Variants in THAP6 observed in about 807,000 individuals in gnomAD.
The protein encoded by THAP6 is THAP domain containing 6, also known as THAP domain-containing protein 6.
Under a neutral mutation model 20.0 loss-of-function variants are expected in THAP6, and 13 were observed. The observed-to-expected ratio is 0.65, with a 90% CI of 0.42 to 1.03. THAP6 has a LOEUF of 1.03. THAP6 is among the 50% of genes least tolerant of loss of function. THAP6 has a pLI of 0.00. For synonymous variants in THAP6, 93 were observed against 92.2 expected (o/e 1.01, Z -0.05); for missense variants, 262 against 261.6 (o/e 1.00, Z -0.01).
chr4:75,515,293 G>A (rs1725486295), intron 1 of THAP6, 140 bp from the exon 2 acceptor site: 3 of 688,140 alleles, frequency 4.4e-6, no homozygotes, highest in Non-Finnish European at 2.5e-6. Flanking sequence ...AATGATGTAA[G>A]CAAAGCTGCA....
At chr4:75,532,100 T>C (rs767423434), downstream of THAP6, among the ~76,000 whole-genome samples, 11 of 152,110 alleles carry the variant, frequency 7.2e-5, no homozygotes, top group Non-Finnish European at 1.5e-4. Flanking sequence ...GCCCAAAGTC[T>C]CATCTGAGAC....
chr4:75,527,562 G>T lies in THAP6; in HGVS notation c.*348G>T. The T allele has an allele frequency of 1.9e-6, 2 of 1,053,570 alleles. No individual in the cohort carries two copies. Among genetic ancestry groups the T allele is most frequent in the Non-Finnish European group, 2.3e-6 (2 of 871,804 alleles). 65.3% of individuals were successfully genotyped at this position (1,053,570 alleles called of 1,614,324 possible). ...AATTGGACACTTCTCCAGATATTTG[G>T]CTTCAAAGGAGTACCTTTACTTACA... On this transcript the variant is annotated 3_prime_UTR_variant, in exon 5 of 5. Transcript: ENST00000311638.
intron 2 of THAP6, among the ~76,000 whole-genome samples, chr4:75,535,159 A>G (rs951964449): frequency 6.6e-6 from 1 of 152,252 alleles, no homozygotes; most frequent in African/African-American, 2.4e-5. Flanking sequence ...CCCATTCACT[A>G]TCATGAGAAC....
chr4:75,531,598 G>A (rs530254504), downstream of THAP6, among the ~76,000 whole-genome samples: 4 of 152,194 alleles, frequency 2.6e-5, no homozygotes, highest in Non-Finnish European at 5.9e-5. Context: ...ATATTAATCC[G>A]TTTTCACACT....
chr4:75,539,882 A>G lies in THAP6; in HGVS notation c.166-2527A>G, dbSNP rs1726958937. 2.0e-6 allele frequency: 3 copies of G among 1,536,132 alleles called. No homozygotes were observed. The African/African-American group carries it at 4.1e-5, about 21-fold the overall frequency. On this transcript the variant is annotated intron_variant, in intron 2 of 4. Transcript: ENST00000502620. ...AGAAACACAGGAAAAGGAAACAAGAACAGGAAGAAGAACAAAAACCAAGAA... is the reference window on the plus strand; with the variant it reads ...AGAAACACAGGAAAAGGAAACAAGAGCAGGAAGAAGAACAAAAACCAAGAA...
intron 3 of THAP6, chr4:75,517,592 C>G (rs1725743597): frequency 6.6e-6 from 1 of 152,260 alleles, no homozygotes; most frequent in Non-Finnish European, 1.5e-5. Context: ...AACTGATGTT[C>G]CAAGTTGGCA....
chr4:75,521,607 AC>A, intron 3 of THAP6, 128 bp from the exon 4 acceptor site: 1 of 1,013,464 alleles, frequency 9.9e-7, no homozygotes, highest in Non-Finnish European at 1.4e-6. Flanking sequence ...GAATTTGCTG[AC>A]TTTTAAAAGC....
At chr4:75,532,688 C>T (rs1273752113), downstream of THAP6, among the ~76,000 whole-genome samples, 2 of 152,224 alleles carry the variant, frequency 1.3e-5, no homozygotes, top group Non-Finnish European at 2.9e-5. Context: ...GGCGGAGATG[C>T]CCAAACCTCA....
At chr4:75,547,292 A>G (rs1400183209) in intron 3 of THAP6, among the ~76,000 whole-genome samples, 1 of 152,186 alleles carries the variant, frequency 6.6e-6, no homozygotes, top group African/African-American at 2.4e-5. Context: ...TATGTTACGT[A>G]TATTTTACCA....
At chr4:75,532,026 A>G (rs1726696403), downstream of THAP6, among the ~76,000 whole-genome samples, 1 of 152,090 alleles carries the variant, frequency 6.6e-6, no homozygotes, top group South Asian at 2.1e-4. Context: ...TTCAAAACCA[A>G]TCATGCCTTT....
rs1726496219 is a variant in THAP6, at chr4:75,528,136, A to G, written c.*922A>G. The G allele has an allele frequency of 1.0e-6, 1 of 985,158 alleles. No individual in the cohort carries two copies. The highest frequency in any genetic ancestry group is 1.2e-6 in the Non-Finnish European group (1 of 829,654). The allele number at this position is 985,158 out of a possible 1,614,324, so 61.0% of individuals were successfully genotyped here. A position where few individuals can be genotyped will look rare whatever the true frequency, so the allele number is the denominator to read the frequency against. ...AATAACTGTGGCTCTTCCAGTTGAA[A>G]TAGGAATTGGAGAGAAAGGATTAGA... On this transcript the variant is annotated 3_prime_UTR_variant, in exon 5 of 5. Coordinates refer to ENST00000311638, the MANE Select transcript of THAP6 (RefSeq NM_144721.6).
chr4:75,547,236 G>C (rs1206451318), intron 3 of THAP6, among the ~76,000 whole-genome samples: 1 of 152,086 alleles, frequency 6.6e-6, no homozygotes, highest in East Asian at 1.9e-4. Context: ...AACTAATCAA[G>C]ATTTGGTTCT....
intron 3 of THAP6, among the ~76,000 whole-genome samples, chr4:75,518,478 A>C (rs1477563121): frequency 6.6e-6 from 1 of 152,220 alleles, no homozygotes; most frequent in Non-Finnish European, 1.5e-5. Flanking sequence ...ACTATGTGCC[A>C]GGCACTATTC....
At chr4:75,514,369 C>T, upstream of THAP6, 1 of 1,426,982 alleles carries the variant, frequency 7.0e-7, no homozygotes, top group Non-Finnish European at 9.5e-7. Flanking sequence ...CTCTAGCACA[C>T]CCCTCCCAGC....
intron 1 of THAP6, 119 bp downstream of exon 1, chr4:75,514,639 G>A (rs1004481967): frequency 4.8e-6 from 1 of 207,832 alleles, no homozygotes; most frequent in Non-Finnish European, 9.8e-6. Flanking sequence ...CAGAGGAAAG[G>A]ACGCTCACTG....
rs1309766787 is a variant in THAP6 at position 75,527,507 on chromosome 4, A to G, written c.*293A>G. 7.6e-6 allele frequency: 9 copies of G among 1,182,072 alleles called. No homozygotes were observed. The Admixed American group carries it at 3.3e-4, about 44-fold the overall frequency. The allele number at this position is 1,182,072 out of a possible 1,614,324, so 73.2% of individuals were successfully genotyped here. A position where few individuals can be genotyped will look rare whatever the true frequency, so the allele number is the denominator to read the frequency against. ...TTCACAGAGCTAAAGAAATGATGTC[A>G]AATTAGTCACATTAAGCTATAGTAG... is the stretch of plus-strand genomic sequence containing the variant. On this transcript the variant is annotated 3_prime_UTR_variant, in exon 5 of 5. Coordinates refer to ENST00000311638, the MANE Select transcript of THAP6 (RefSeq NM_144721.6).
Position 75,526,288 on chromosome 4 carries a change from G to C in THAP6, c.415-672G>C, listed in dbSNP as rs1448123837. On this transcript the variant is annotated intron_variant, in intron 4 of 4. Coordinates refer to ENST00000311638, the MANE Select transcript of THAP6 (RefSeq NM_144721.6). ...GGAGGTAGGGGTCAATCCAGTCTCTGTTACTTCATCTTGGCTGGAAATAAA... is the reference window on the plus strand; with the variant it reads ...GGAGGTAGGGGTCAATCCAGTCTCTCTTACTTCATCTTGGCTGGAAATAAA... Among the ~76,000 whole-genome samples, 4 of 151,928 alleles carry C rather than the reference G, an allele frequency of 2.6e-5. No homozygotes were observed. In the East Asian group the frequency reaches 5.8e-4, roughly 22 times the overall value.
chr4:75,544,178 A>G (rs1387022130), intron 3 of THAP6: 1 of 152,234 alleles, frequency 6.6e-6, no homozygotes, highest in Admixed American at 6.5e-5. Context: ...GTTATAAAAC[A>G]TGGACAGTCT....
intron 4 of THAP6, among the ~76,000 whole-genome samples, chr4:75,526,702 A>G (rs954610014): frequency 2.0e-5 from 3 of 152,222 alleles, no homozygotes; most frequent in African/African-American, 7.2e-5. Context: ...GTGTCATGCT[A>G]TTCATAGAGA....
Sources: allele counts gnomAD v4.1 joint callset (sites outside exome capture counted in the v4.1 genomes callset), GRCh38; gene constraint gnomAD v4.1.1; transcripts MANE v1.5; gene names NCBI Gene and HGNC (gene_info 2026-07-23, HGNC 2026-07-21).